The following DLG2 variants were observed in gnomAD, a reference collection of about 807,000 sequenced individuals.
DLG2 encodes the protein discs large MAGUK scaffold protein 2, also known as disks large homolog 2.
Under a neutral mutation model 132.5 loss-of-function variants are expected in DLG2, and 45 were observed. The ratio of observed to expected loss-of-function variants is 0.34; its 90% CI spans 0.27 to 0.44. The LOEUF (loss-of-function observed/expected upper bound fraction) is 0.44, where lower values mean the gene tolerates loss of function less well. Among genes scored for constraint, DLG2 ranks in the 20% least tolerant of loss-of-function variants. The pLI is 1.00. For missense variants in DLG2, 1,045 were observed against 1,196.9 expected (o/e 0.87, Z 1.87); for synonymous variants, 424 against 419.6 (o/e 1.01, Z -0.13).
At chr11:85,187,592 G>A (rs925934627) in intron 4 of DLG2, among the ~76,000 whole-genome samples, 2 of 152,134 alleles carry the variant, frequency 1.3e-5, no homozygotes, top group Admixed American at 6.6e-5. Flanking sequence ...AACAAATTGA[G>A]AAATGTTTAT....
intron 6 of DLG2, among the ~76,000 whole-genome samples, chr11:85,070,039 A>C (rs1451047533): frequency 6.6e-6 from 1 of 152,000 alleles, no homozygotes; most frequent in Non-Finnish European, 1.5e-5. Context: ...CATTCTCAGC[A>C]AACTATCGCA....
intron 8 of DLG2, among the ~76,000 whole-genome samples, chr11:84,250,305 T>G (rs2097355073): frequency 6.6e-6 from 1 of 152,210 alleles, no homozygotes; most frequent in Non-Finnish European, 1.5e-5. Flanking sequence ...TTTCTGTGAT[T>G]TGCTTGGTCA....
intron 6 of DLG2, among the ~76,000 whole-genome samples, chr11:84,719,692 T>A (rs1351270080): frequency 1.3e-5 from 2 of 152,190 alleles, no homozygotes; most frequent in Non-Finnish European, 2.9e-5. Flanking sequence ...GGACAGTTAT[T>A]TACTACAAAC....
At chr11:84,869,154 A>G (rs1257366782) in intron 6 of DLG2, among the ~76,000 whole-genome samples, 1 of 152,200 alleles carries the variant, frequency 6.6e-6, no homozygotes, top group Admixed American at 6.5e-5. Flanking sequence ...TCTGTCCACA[A>G]TGCACATCAT....
At chr11:84,478,506 G>A (rs1209145676) in intron 7 of DLG2, among the ~76,000 whole-genome samples, 1 of 151,998 alleles carries the variant, frequency 6.6e-6, no homozygotes, top group Non-Finnish European at 1.5e-5. Flanking sequence ...GATGCAGGTT[G>A]TTTACATTTT....
At chr11:85,086,321 T>A (rs1056715361) in intron 6 of DLG2, among the ~76,000 whole-genome samples, 5 of 152,188 alleles carry the variant, frequency 3.3e-5, no homozygotes, top group African/African-American at 1.2e-4. Flanking sequence ...CATAGAATCT[T>A]ACTCATCAAA....
At chr11:83,920,532 T>C (rs760374449) in intron 15 of DLG2, among the ~76,000 whole-genome samples, 1 of 152,140 alleles carries the variant, frequency 6.6e-6, no homozygotes, top group Non-Finnish European at 1.5e-5. Context: ...GAAACAGTCT[T>C]TTATAACAGT....
At chr11:83,781,350 G>A (rs1022747947) in intron 18 of DLG2, among the ~76,000 whole-genome samples, 2 of 151,928 alleles carry the variant, frequency 1.3e-5, no homozygotes, top group Non-Finnish European at 2.9e-5. Flanking sequence ...CTTATAACAT[G>A]GACTGAGGCA....
rs976275667 is a variant in DLG2, at chr11:85,355,971, C to A, written c.41-70606G>T. On this transcript the variant is annotated intron_variant, in intron 3 of 27. Transcript: ENST00000376104. ...AGAAGCTGGGCTGTGATCCATCTTG[C>A]ACAGATCACCAAACACCCACCAAAG... Among the ~76,000 whole-genome samples the A allele has an allele frequency of 4.6e-5, 7 of 152,314 alleles. No homozygotes were observed. In the East Asian group the frequency reaches 1.4e-3, roughly 29 times the overall value.
Position 83,748,570 on chromosome 11 carries a change from G to A in DLG2, c.1825+38120C>T, listed in dbSNP as rs114779237. On this transcript the variant is annotated intron_variant, in intron 18 of 27. Transcript: ENST00000376104. ...ACAGTGAGTACATGACAATCACAGG[G>A]ATATGTCCAAAATGCCATTCAGCTC... Among the ~76,000 whole-genome samples the A allele has an allele frequency of 8.9e-3, 1,349 of 152,252 alleles. 22 individuals carry two copies. Among genetic ancestry groups the A allele is most frequent in the African/African-American group, 0.031 (1,280 of 41,546 alleles).
intron 16 of DLG2, among the ~76,000 whole-genome samples, chr11:83,842,551 G>T (rs1325523838): frequency 1.4e-5 from 2 of 141,006 alleles, no homozygotes; most frequent in Admixed American, 1.4e-4. Flanking sequence ...AAAAAAGGCC[G>T]GGCACGGTGG....
rs113919716 is a variant in DLG2, at chr11:84,249,997, G to A, written c.573+1241C>T. On this transcript the variant is annotated intron_variant, in intron 8 of 27. Coordinates refer to ENST00000376104, the MANE Select transcript of DLG2 (RefSeq NM_001142699.3). Reference sequence around the variant, plus strand: ...TTCTGCTCCCCTGTGGCTGAGTCCCGGATTGCAGAACCTGCTCAGGACCGC... The same window carrying A: ...TTCTGCTCCCCTGTGGCTGAGTCCCAGATTGCAGAACCTGCTCAGGACCGC... 9.2e-3 allele frequency among the ~76,000 whole-genome samples: 1,396 copies of A among 151,130 alleles called. 22 individuals carry two copies. Among genetic ancestry groups the A allele is most frequent in the African/African-American group, 0.033 (1,323 of 40,524 alleles).
intron 3 of DLG2, among the ~76,000 whole-genome samples, chr11:85,294,871 CAG>C (rs2079123114): frequency 6.6e-6 from 1 of 152,090 alleles, no homozygotes; most frequent in South Asian, 2.1e-4. Context: ...GAAATTGTAA[CAG>C]AGATGCAATA....
intron 7 of DLG2, among the ~76,000 whole-genome samples, chr11:84,531,190 C>T (rs536903077): frequency 6.6e-6 from 1 of 152,112 alleles, no homozygotes; most frequent in East Asian, 1.9e-4. Flanking sequence ...TAGATGGAGC[C>T]GAAGGCCATT....
rs537151383 is a variant in DLG2 at position 85,133,310 on chromosome 11, TGTC to T, written c.282+21243_282+21245del. On this transcript the variant is annotated intron_variant, in intron 5 of 27. Coordinates refer to ENST00000376104, the MANE Select transcript of DLG2 (RefSeq NM_001142699.3). ...CTACCCGTCCCATCTACCAAATGGC[TGTC>T]GTTCCAGTGCCAGAATAGCGGCTTT... 1.7e-3 allele frequency among the ~76,000 whole-genome samples: 258 copies of T among 152,316 alleles called. 1 individual carries two copies. The highest frequency in any genetic ancestry group is 6.1e-3 in the African/African-American group (253 of 41,564).
intron 6 of DLG2, among the ~76,000 whole-genome samples, chr11:85,005,742 G>T (rs1227830): frequency 6.6e-6 from 1 of 151,894 alleles, no homozygotes; most frequent in African/African-American, 2.4e-5. Context: ...TGATTGCCCT[G>T]GCCAGAACTT....
chr11:84,539,196 T>G (rs139082700), intron 6 of DLG2, among the ~76,000 whole-genome samples: 1 of 152,288 alleles, frequency 6.6e-6, no homozygotes, highest in African/African-American at 2.4e-5. Context: ...ATTAGGTATT[T>G]TTCTAAGCTT....
At chr11:85,185,903 GGTA>G (rs1486216908) in intron 4 of DLG2, among the ~76,000 whole-genome samples, 1 of 151,904 alleles carries the variant, frequency 6.6e-6, no homozygotes, top group Non-Finnish European at 1.5e-5. Context: ...CTATTTCATA[GGTA>G]AGGGAAAACT....
chr11:84,206,992 G>C (rs2096675415), intron 8 of DLG2, among the ~76,000 whole-genome samples: 1 of 151,014 alleles, frequency 6.6e-6, no homozygotes. Flanking sequence ...CCAACTGTTG[G>C]AAAATTAAAT....
Sources: gnomAD v4.1 joint callset for allele counts (sites outside exome capture counted in the v4.1 genomes callset) on GRCh38, gnomAD v4.1.1 for gene constraint, MANE v1.5 for transcripts, NCBI Gene and HGNC (gene_info 2026-07-23, HGNC 2026-07-21) for gene names.